PCCA: variants seen among roughly 807,000 people sequenced by gnomAD.
The protein encoded by PCCA is propionyl-CoA carboxylase subunit alpha, also known as propionyl-CoA carboxylase alpha chain, mitochondrial.
A neutral mutation model predicts 101.3 loss-of-function variants in PCCA; 74 were observed. That is an observed-to-expected ratio of 0.73 (90% CI 0.61 to 0.89). The LOEUF (loss-of-function observed/expected upper bound fraction) is 0.89. Among genes scored for constraint, PCCA ranks in the 40% least tolerant of loss-of-function variants. PCCA has a pLI of 0.00. For missense variants in PCCA, 891 were observed against 907.0 expected, an observed-to-expected ratio of 0.98 and a Z score of 0.23; for synonymous variants, 294 against 313.6, an observed-to-expected ratio of 0.94 and a Z score of 0.66.
intron 17 of PCCA, among the ~76,000 whole-genome samples, chr13:100,334,869 A>G (rs1411258954): frequency 1.3e-5 from 2 of 152,220 alleles, no homozygotes; most frequent in East Asian, 3.8e-4. Flanking sequence ...AAGAAATAAT[A>G]GAGATTTTTT....
At chr13:100,433,121 T>G (rs2079673614) in intron 20 of PCCA, among the ~76,000 whole-genome samples, 1 of 152,258 alleles carries the variant, frequency 6.6e-6, no homozygotes, top group African/African-American at 2.4e-5. Context: ...AATATCTGTT[T>G]GAGTACCCCA....
intron 20 of PCCA, among the ~76,000 whole-genome samples, chr13:100,444,513 G>C (rs1191684450): frequency 7.9e-6 from 1 of 127,334 alleles, no homozygotes; most frequent in Non-Finnish European, 1.5e-5. Context: ...TGCAATCTTG[G>C]CTCACTGCAA....
intron 23 of PCCA, among the ~76,000 whole-genome samples, chr13:100,528,418 A>G (rs1040015818): frequency 2.6e-5 from 4 of 152,230 alleles, no homozygotes; most frequent in African/African-American, 9.6e-5. Flanking sequence ...ATGGGAGAGC[A>G]TGATGGGAAG....
intron 21 of PCCA, among the ~76,000 whole-genome samples, chr13:100,475,191 G>A (rs1384594185): frequency 1.3e-5 from 2 of 152,130 alleles, no homozygotes. Context: ...GGGATTATAG[G>A]TGCAAGCCAC....
chr13:100,431,126 G>A (rs1032036155), intron 20 of PCCA, among the ~76,000 whole-genome samples: 1 of 151,980 alleles, frequency 6.6e-6, no homozygotes, highest in Non-Finnish European at 1.5e-5. Context: ...AGACTACTTA[G>A]GTTTTTCCTG....
At chr13:100,442,985 A>G (rs2080490588) in intron 20 of PCCA, among the ~76,000 whole-genome samples, 1 of 152,032 alleles carries the variant, frequency 6.6e-6, no homozygotes, top group Admixed American at 6.6e-5. Flanking sequence ...GGGCCAAAGA[A>G]CTGTTTTGTT....
At chr13:100,446,695 TTCTG>T (rs2080856958) in intron 20 of PCCA, among the ~76,000 whole-genome samples, 1 of 152,222 alleles carries the variant, frequency 6.6e-6, no homozygotes, top group Admixed American at 6.5e-5. Context: ...CCATTTTGTT[TTCTG>T]TCTTTTTTTG....
intron 19 of PCCA, among the ~76,000 whole-genome samples, chr13:100,404,562 G>C (rs943305184): frequency 6.6e-6 from 1 of 152,136 alleles, no homozygotes; most frequent in African/African-American, 2.4e-5. Flanking sequence ...TAGAAAGAGG[G>C]GAGCAGGTGT....
At chr13:100,205,174 G>T (rs1168047183) in intron 6 of PCCA, among the ~76,000 whole-genome samples, 4 of 152,092 alleles carry the variant, frequency 2.6e-5, no homozygotes, top group Non-Finnish European at 5.9e-5. Flanking sequence ...AAAAATACCG[G>T]GTTAACAGAA....
intron 6 of PCCA, among the ~76,000 whole-genome samples, chr13:100,208,656 G>A (rs1475849697): frequency 3.9e-5 from 6 of 151,934 alleles, no homozygotes; most frequent in Non-Finnish European, 7.4e-5. Flanking sequence ...TTAAATTAGA[G>A]TGGCATAAAC....
chr13:100,330,498 A>T, intron 16 of PCCA, 63 bp from the exon 17 acceptor site: 1 of 976,460 alleles, frequency 1.0e-6, no homozygotes, highest in Admixed American at 1.7e-5. Flanking sequence ...ATTTCTCCAG[A>T]TTATCAGAAT....
intron 21 of PCCA, among the ~76,000 whole-genome samples, chr13:100,489,062 T>A (rs964147048): frequency 6.6e-6 from 1 of 152,062 alleles, no homozygotes; most frequent in Admixed American, 6.5e-5. Context: ...TCCCAGCACT[T>A]TGGGAGGCCG....
At chr13:100,239,221 A>G (rs1472693471) in intron 8 of PCCA, among the ~76,000 whole-genome samples, 1 of 152,204 alleles carries the variant, frequency 6.6e-6, no homozygotes, top group African/African-American at 2.4e-5. Flanking sequence ...CATTTAAGGA[A>G]ACTAATGATT....
intron 19 of PCCA, among the ~76,000 whole-genome samples, chr13:100,376,723 G>A (rs936602950): frequency 6.6e-6 from 1 of 152,204 alleles, no homozygotes; most frequent in Non-Finnish European, 1.5e-5. Flanking sequence ...CAAGCCAGTG[G>A]ATCTTAGCTT....
chr13:100,393,138 T>C (rs185005435), intron 19 of PCCA, among the ~76,000 whole-genome samples: 44 of 152,334 alleles, frequency 2.9e-4, no homozygotes, highest in Non-Finnish European at 5.3e-4. Flanking sequence ...CTCCTGCTTA[T>C]GGGTTGTGTC....
intron 17 of PCCA, among the ~76,000 whole-genome samples, chr13:100,335,691 G>A (rs1450627952): frequency 6.6e-6 from 1 of 152,150 alleles, no homozygotes; most frequent in Non-Finnish European, 1.5e-5. Context: ...ACAAAGGATC[G>A]AGGGAACATG....
At chr13:100,417,869 T>C (rs925181789) in intron 19 of PCCA, among the ~76,000 whole-genome samples, 2 of 152,152 alleles carry the variant, frequency 1.3e-5, no homozygotes, top group Non-Finnish European at 2.9e-5. Flanking sequence ...GTGGGATTAC[T>C]TTCCTCCTTG....
chr13:100,444,909 A>G (rs758338985), intron 20 of PCCA, among the ~76,000 whole-genome samples: 14 of 152,146 alleles, frequency 9.2e-5, no homozygotes, highest in Non-Finnish European at 1.9e-4. Context: ...AGTTGCATAT[A>G]TTTGTCATCC....
At chr13:100,389,291 T>A (rs546541857) in intron 19 of PCCA, among the ~76,000 whole-genome samples, 1 of 152,222 alleles carries the variant, frequency 6.6e-6, no homozygotes, top group South Asian at 2.1e-4. Context: ...TTTGAAGGCC[T>A]ACATAAAAAG....
Sources: allele counts gnomAD v4.1 joint callset (sites outside exome capture counted in the v4.1 genomes callset), GRCh38; gene constraint gnomAD v4.1.1; transcripts MANE v1.5; gene names NCBI Gene and HGNC (gene_info 2026-07-23, HGNC 2026-07-21).